Variants in CADM2 observed in about 807,000 individuals in gnomAD.
The protein encoded by CADM2 is immunoglobulin superfamily member 4D.
In CADM2, 12 loss-of-function variants were observed where a neutral mutation model predicts 49.8. That is an observed-to-expected ratio of 0.24 (90% CI 0.15 to 0.39). The LOEUF is 0.39. Ranked by LOEUF, CADM2 falls within the 10% of genes least tolerant of loss-of-function variation. CADM2 has a pLI of 1.00. For missense variants in CADM2, 378 were observed against 492.3 expected (o/e 0.77, Z 2.20); for synonymous variants, 214 against 175.4 (o/e 1.22, Z -1.74).
intron 1 of CADM2, among the ~76,000 whole-genome samples, chr3:85,051,008 T>C (rs2035861843): frequency 6.6e-6 from 1 of 152,198 alleles, no homozygotes; most frequent in Non-Finnish European, 1.5e-5. Context: ...GCCTGCTTCA[T>C]GCTATTCTTA....
At chr3:85,012,166 T>TGAAAAAA (rs2107258374) in intron 1 of CADM2, among the ~76,000 whole-genome samples, 1 of 151,714 alleles carries the variant, frequency 6.6e-6, no homozygotes, top group African/African-American at 2.4e-5. Flanking sequence ...AAAAATGAGC[T>TGAAAAAA]CATGCTCCTC....
chr3:85,165,279 C>T (rs1003173427), intron 1 of CADM2, among the ~76,000 whole-genome samples: 1 of 151,712 alleles, frequency 6.6e-6, no homozygotes, highest in Non-Finnish European at 1.5e-5. Flanking sequence ...ATATTACTTC[C>T]GCAAAGCTTA....
chr3:85,094,642 T>C (rs777175046), intron 1 of CADM2, among the ~76,000 whole-genome samples: 2 of 152,172 alleles, frequency 1.3e-5, no homozygotes, highest in Non-Finnish European at 2.9e-5. Context: ...TAAACAAGGA[T>C]ACATTATGCA....
chr3:85,087,599 A>G (rs2037429735), intron 1 of CADM2, among the ~76,000 whole-genome samples: 1 of 152,188 alleles, frequency 6.6e-6, no homozygotes, highest in African/African-American at 2.4e-5. Context: ...TGAAAGGGTA[A>G]TGTTCATCTT....
At chr3:85,054,610 C>T (rs2036007450) in intron 1 of CADM2, among the ~76,000 whole-genome samples, 1 of 151,832 alleles carries the variant, frequency 6.6e-6, no homozygotes, top group South Asian at 2.1e-4. Flanking sequence ...TTGTTTGAAA[C>T]AAAGTTGGTA....
Position 85,644,045 on chromosome 3 carries a change from C to G in CADM2, c.62-82477C>G, listed in dbSNP as rs1447666710. ...GATTGAAAGAAAGAAAGTGAGTATA[C>G]CCATGCATTACTCTGCTATGGTTAC... On this transcript the variant is annotated intron_variant, in intron 1 of 9. Transcript: ENST00000383699. Among the ~76,000 whole-genome samples the G allele has an allele frequency of 2.0e-5, 3 of 152,072 alleles. No individual in the cohort carries two copies. The East Asian group carries it at 5.8e-4, about 29-fold the overall frequency.
intron 2 of CADM2, among the ~76,000 whole-genome samples, chr3:85,797,207 T>C (rs2071681904): frequency 6.6e-6 from 1 of 152,170 alleles, no homozygotes; most frequent in South Asian, 2.1e-4. Flanking sequence ...TCTATAAAGT[T>C]AGGTGGAAAC....
intron 6 of CADM2, among the ~76,000 whole-genome samples, chr3:85,934,398 T>G (rs1204835675): frequency 6.6e-6 from 1 of 152,098 alleles, no homozygotes; most frequent in Non-Finnish European, 1.5e-5. Context: ...TAATAAAGTA[T>G]GTTTAAATCT....
intron 1 of CADM2, among the ~76,000 whole-genome samples, chr3:85,253,394 G>A (rs756914248): frequency 3.9e-5 from 6 of 151,998 alleles, no homozygotes; most frequent in Non-Finnish European, 7.4e-5. Context: ...GTTTCTTGAT[G>A]ATCACTCTTT....
At chr3:85,715,024 A>T (rs1439422203) in intron 1 of CADM2, among the ~76,000 whole-genome samples, 3 of 152,230 alleles carry the variant, frequency 2.0e-5, no homozygotes, top group Admixed American at 6.5e-5. Context: ...TATAATATAC[A>T]TTTATACATT....
intron 1 of CADM2, among the ~76,000 whole-genome samples, chr3:85,054,297 T>A (rs2035992448): frequency 6.6e-6 from 1 of 151,826 alleles, no homozygotes; most frequent in Non-Finnish European, 1.5e-5. Flanking sequence ...GACAGAAGAC[T>A]TTCTCTGAGT....
At chr3:85,844,329 AT>A (rs568206932) in intron 3 of CADM2, among the ~76,000 whole-genome samples, 6 of 152,002 alleles carry the variant, frequency 3.9e-5, no homozygotes, top group Admixed American at 1.3e-4. Flanking sequence ...TTGTTATAAT[AT>A]TTTTTTATTT....
intron 1 of CADM2, among the ~76,000 whole-genome samples, chr3:85,105,849 A>G (rs1341459602): frequency 6.6e-6 from 1 of 152,092 alleles, no homozygotes; most frequent in Non-Finnish European, 1.5e-5. Context: ...CAAGAACAAA[A>G]AGCCAAACAC....
Position 85,802,096 on chromosome 3 carries a change from T to A in CADM2, c.138T>A (p.Gly46=). ...PLTQNVTVVE[G]GTAILTCRVD... Reference sequence around the variant, plus strand: ...CACAGAATGTAACCGTTGTTGAAGGTGGAACTGCAATTTTGACCTGCAGGG... The same window carrying A: ...CACAGAATGTAACCGTTGTTGAAGGAGGAACTGCAATTTTGACCTGCAGGG... Residue 46 remains glycine, a synonymous_variant, in exon 3 of 10, where the codon GGT becomes GGA. Transcript: ENST00000383699. 1 of 1,613,148 alleles carries A rather than the reference T, an allele frequency of 6.2e-7. No individual in the cohort carries two copies. The highest frequency in any genetic ancestry group is 8.5e-7 in the Non-Finnish European group (1 of 1,179,486).
chr3:85,232,352 A>G (rs373772311), intron 1 of CADM2, among the ~76,000 whole-genome samples: 1 of 152,202 alleles, frequency 6.6e-6, no homozygotes, highest in South Asian at 2.1e-4. Flanking sequence ...ATGGAAGATT[A>G]TATATCTCAT....
At chr3:85,986,719 T>A (rs908233826) in intron 8 of CADM2, among the ~76,000 whole-genome samples, 19 of 152,208 alleles carry the variant, frequency 1.2e-4, no homozygotes, top group African/African-American at 4.1e-4. Flanking sequence ...TAAAACTAAA[T>A]ATCTAAAATA....
Position 86,066,680 on chromosome 3 carries a change from A to T in CADM2, c.1112A>T (p.Asn371Ile). Reference protein sequence around the residue: ...LARHKGTYLTNEAKGAEDAPD... With the variant: ...LARHKGTYLTIEAKGAEDAPD... ...ATATATGCAGGAACGTATTTAACAA[A>T]TGAAGCTAAAGGAGCTGAAGATGCA... Residue 371 changes from asparagine (N) to isoleucine (I), a missense_variant, in exon 10 of 10, where the codon AAT becomes ATT. By Grantham distance (149) the Asn-to-Ile change is moderately radical. Transcript: ENST00000383699. 3 of 1,613,100 alleles carry T rather than the reference A, an allele frequency of 1.9e-6. No homozygotes were observed. The highest frequency in any genetic ancestry group is 2.5e-6 in the Non-Finnish European group (3 of 1,179,056).
intron 1 of CADM2, among the ~76,000 whole-genome samples, chr3:85,703,354 T>C (rs2107714945): frequency 6.6e-6 from 1 of 152,254 alleles, no homozygotes; most frequent in Middle Eastern, 3.4e-3. Context: ...AGTATTCTTT[T>C]AATGAGGTCA....
intron 1 of CADM2, among the ~76,000 whole-genome samples, chr3:85,062,794 ATGATTATACTAG>A (rs1394439218): frequency 1.3e-5 from 2 of 152,018 alleles, no homozygotes; most frequent in Non-Finnish European, 2.9e-5. Flanking sequence ...AACCCTAATG[ATGATTATACTAG>A]TGTTCATTAT....
Sources: allele counts gnomAD v4.1 joint callset (sites outside exome capture counted in the v4.1 genomes callset), GRCh38; gene constraint gnomAD v4.1.1; transcripts MANE v1.5; gene names NCBI Gene and HGNC (gene_info 2026-07-23, HGNC 2026-07-21).